Variants in NRG1 observed in about 807,000 individuals in gnomAD.
The protein encoded by NRG1 is pro-neuregulin-1, membrane-bound isoform.
Under a neutral mutation model 63.8 loss-of-function variants are expected in NRG1, and 18 were observed. The ratio of observed to expected loss-of-function variants is 0.28; its 90% confidence interval spans 0.19 to 0.42. The LOEUF (loss-of-function observed/expected upper bound fraction) is 0.42, where lower values mean the gene tolerates loss of function less well. NRG1 is among the 10% of genes least tolerant of loss of function. The pLI is 1.00. For synonymous variants in NRG1, 302 were observed against 301.3 expected (o/e 1.00, Z -0.02); for missense variants, 762 against 814.7 (o/e 0.94, Z 0.79).
At chr8:32,515,609 A>AT (rs1004934651) in intron 1 of NRG1, among the ~76,000 whole-genome samples, 58 of 152,166 alleles carry the variant, frequency 3.8e-4, no homozygotes, top group African/African-American at 1.3e-3. Context: ...CACCCAGCTC[A>AT]TTAAAAAAAA....
chr8:31,713,564 T>C (rs1812042935), intron 1 of NRG1, among the ~76,000 whole-genome samples: 1 of 152,182 alleles, frequency 6.6e-6, no homozygotes, highest in Non-Finnish European at 1.5e-5. Context: ...TTCACTTCAT[T>C]TTCTCCTTAA....
At chr8:32,357,269 G>C (rs78421115) in intron 1 of NRG1, among the ~76,000 whole-genome samples, 8,567 of 152,156 alleles carry the variant, frequency 0.056, 318 homozygotes, top group Middle Eastern at 0.099. Flanking sequence ...AAGTAAGAAA[G>C]AAAATAAATG....
intron 1 of NRG1, among the ~76,000 whole-genome samples, chr8:32,015,235 A>C (rs531650320): frequency 6.6e-6 from 1 of 152,132 alleles, no homozygotes; most frequent in East Asian, 1.9e-4. Flanking sequence ...CCCCAAACAA[A>C]AAAACTGTGA....
At chr8:32,546,031 A>C (rs1563612618), upstream of NRG1, among the ~76,000 whole-genome samples, 1 of 152,162 alleles carries the variant, frequency 6.6e-6, no homozygotes, top group Non-Finnish European at 1.5e-5. Flanking sequence ...CAGCCCTAAA[A>C]TTCCTGTAGG....
chr8:32,163,825 A>G (rs1039149040), intron 1 of NRG1, among the ~76,000 whole-genome samples: 1 of 152,202 alleles, frequency 6.6e-6, no homozygotes, highest in East Asian at 1.9e-4. Flanking sequence ...TAATTGACAA[A>G]GCTGAGCTGT....
At chr8:31,648,294 C>T (rs1179385645) in intron 1 of NRG1, among the ~76,000 whole-genome samples, 3 of 151,774 alleles carry the variant, frequency 2.0e-5, no homozygotes, top group Non-Finnish European at 2.9e-5. Context: ...CCACCATGCC[C>T]GGCTAATTTT....
intron 5 of NRG1, among the ~76,000 whole-genome samples, chr8:32,668,020 C>A (rs1804668763): frequency 6.6e-6 from 1 of 151,986 alleles, no homozygotes; most frequent in African/African-American, 2.4e-5. Context: ...GGAGACCAGC[C>A]TGGCCAAAAT....
exon 1 of NRG1, chr8:32,548,329 G>A (rs1055440096): frequency 2.3e-5 from 23 of 1,000,104 alleles, no homozygotes; most frequent in Non-Finnish European, 2.7e-5. Flanking sequence ...TGGAACTCCG[G>A]GCTCGCGCGG....
At chr8:31,667,524 G>A (rs1026765090) in intron 1 of NRG1, among the ~76,000 whole-genome samples, 1 of 152,122 alleles carries the variant, frequency 6.6e-6, no homozygotes, top group Non-Finnish European at 1.5e-5. Context: ...TACATGCAGG[G>A]GTACTACATT....
chr8:32,232,332 T>C (rs533816849), intron 1 of NRG1, among the ~76,000 whole-genome samples: 7 of 152,276 alleles, frequency 4.6e-5, no homozygotes, highest in Non-Finnish European at 1.0e-4. Flanking sequence ...ATTGCAAAGA[T>C]GGGTAGTGTT....
In NRG1 at chr8:32,442,968, C is replaced by T. The variant is rs372373970; in HGVS notation, c.38-152860C>T. ...TTTCTGAGTCAGGGTCTTGCTCTAT[C>T]ACCCAGGCTGGAGTGCAGTGATGTG... On this transcript the variant is annotated intron_variant, in intron 1 of 10. Coordinates refer to the NRG1 transcript ENST00000519301. 1.3e-4 allele frequency among the ~76,000 whole-genome samples: 20 copies of T among 151,686 alleles called. No homozygotes were observed. The East Asian group carries it at 2.5e-3, about 19-fold the overall frequency.
rs564344076 is a variant in NRG1 at position 32,119,139 on chromosome 8, G to C, written c.38-476689G>C. On this transcript the variant is annotated intron_variant, in intron 1 of 10. Coordinates refer to the NRG1 transcript ENST00000519301. Reference sequence around the variant, plus strand: ...ACATTTGCTCTCCTGAAACATAGAAGGTTCTATTATTTAATAGGTAGAAGG... The same window carrying C: ...ACATTTGCTCTCCTGAAACATAGAACGTTCTATTATTTAATAGGTAGAAGG... Among the ~76,000 whole-genome samples, 18 of 151,990 alleles carry C rather than the reference G, an allele frequency of 1.2e-4. No individual in the cohort carries two copies. The East Asian group carries it at 2.9e-3, about 25-fold the overall frequency.
At chr8:31,706,295 T>C (rs1245810402) in intron 1 of NRG1, among the ~76,000 whole-genome samples, 1 of 152,170 alleles carries the variant, frequency 6.6e-6, no homozygotes, top group Admixed American at 6.5e-5. Flanking sequence ...TTACAAAAAA[T>C]GTAGCACATT....
At chr8:32,204,961 A>C (rs777241162) in intron 1 of NRG1, among the ~76,000 whole-genome samples, 1 of 152,234 alleles carries the variant, frequency 6.6e-6, no homozygotes, top group Admixed American at 6.5e-5. Context: ...ACGAAAACAA[A>C]TATAAAACAA....
At chr8:31,709,406 C>T (rs1389061255) in intron 1 of NRG1, among the ~76,000 whole-genome samples, 4 of 151,942 alleles carry the variant, frequency 2.6e-5, no homozygotes, top group Admixed American at 6.6e-5. Flanking sequence ...ACCTAAGATT[C>T]GTCAGCTGTT....
chr8:32,146,483 C>T (rs530430211), intron 1 of NRG1, among the ~76,000 whole-genome samples: 1 of 152,100 alleles, frequency 6.6e-6, no homozygotes, highest in African/African-American at 2.4e-5. Flanking sequence ...AAACTCAAGG[C>T]ATATTAATGA....
intron 5 of NRG1, among the ~76,000 whole-genome samples, chr8:32,702,791 A>G (rs1182690158): frequency 1.3e-5 from 2 of 152,144 alleles, no homozygotes; most frequent in African/African-American, 4.8e-5. Flanking sequence ...CTGAATTTTC[A>G]CTTGCAAAAT....
At position 32,398,410 on chromosome 8, in the gene NRG1, ATTT is replaced by A. The variant is rs59321367; in HGVS notation, c.38-197402_38-197400del. On this transcript the variant is annotated intron_variant, in intron 1 of 10. Coordinates refer to the NRG1 transcript ENST00000519301. ...ACATGTTACCTGTATTTCCACCCAAATTTTTTTTTTTTTTTTTTAAGACCAGGT... is the reference window on the plus strand; with the variant it reads ...ACATGTTACCTGTATTTCCACCCAAATTTTTTTTTTTTTTTAAGACCAGGT... Among the ~76,000 whole-genome samples, 377 of 142,270 alleles carry A rather than the reference ATTT, an allele frequency of 2.6e-3. 6 individuals carry two copies. The highest frequency in any genetic ancestry group is 9.0e-3 in the African/African-American group (345 of 38,398). 93.3% of individuals were successfully genotyped at this position (142,270 alleles called of 152,430 possible).
At chr8:31,985,624 A>T (rs1366190686) in intron 1 of NRG1, among the ~76,000 whole-genome samples, 1 of 151,860 alleles carries the variant, frequency 6.6e-6, no homozygotes, top group Non-Finnish European at 1.5e-5. Context: ...ACATTTGGGG[A>T]GTATTTCTAC....
Sources: allele counts gnomAD v4.1 joint callset (sites outside exome capture counted in the v4.1 genomes callset), GRCh38; gene constraint gnomAD v4.1.1; transcripts MANE v1.5; gene names NCBI Gene and HGNC (gene_info 2026-07-23, HGNC 2026-07-21).